RBFOX1: variants seen among roughly 807,000 people sequenced by gnomAD.
RBFOX1 encodes the protein RNA binding fox-1 homolog 1.
In RBFOX1, 8 loss-of-function variants were observed where a neutral mutation model predicts 57.7. The ratio of observed to expected loss-of-function variants is 0.14; its 90% CI spans 0.08 to 0.25. The LOEUF (loss-of-function observed/expected upper bound fraction) is 0.25. Among genes scored for constraint, RBFOX1 ranks in the 10% least tolerant of loss-of-function variants. The pLI, the probability that RBFOX1 is intolerant of heterozygous loss-of-function variation, is 1.00. For missense variants in RBFOX1, 611 were observed against 548.5 expected (o/e 1.11, Z -1.14); for synonymous variants, 326 against 222.4 (o/e 1.47, Z -4.15).
chr16:5,608,355 T>C (rs55971933), intron 3 of RBFOX1, among the ~76,000 whole-genome samples: 4,066 of 152,266 alleles, frequency 0.027, 164 homozygotes, highest in African/African-American at 0.09. Flanking sequence ...ACCATGATTC[T>C]GGGAAGCTCT....
At chr16:5,683,811 C>T (rs2041249) in intron 3 of RBFOX1, among the ~76,000 whole-genome samples, 140,331 of 148,224 alleles carry the variant, frequency 0.95, 66,505 homozygotes, top group Non-Finnish European at 0.96. Flanking sequence ...ATATTATATA[C>T]AACATATAAT....
chr16:6,452,323 G>T (rs2094649540), intron 2 of RBFOX1, among the ~76,000 whole-genome samples: 1 of 149,024 alleles, frequency 6.7e-6, no homozygotes, highest in Non-Finnish European at 1.5e-5. Flanking sequence ...TCTATCCATG[G>T]TCCCTTCCTT....
At chr16:6,576,765 A>G (rs2097444503) in intron 2 of RBFOX1, 1 of 152,228 alleles carries the variant, frequency 6.6e-6, no homozygotes, top group Non-Finnish European at 1.5e-5. Flanking sequence ...ATGCTAGATA[A>G]AAGGAAGTTC....
chr16:7,162,586 AC>A lies in RBFOX1; in HGVS notation c.27+110489del, dbSNP rs200719523. ...CTCTACTAAAAAAAAAAAAAAAAAA[AC>A]ATTGCCAGGTACGCGCCTGTAATCC... On this transcript the variant is annotated intron_variant, in intron 4 of 15. Transcript: ENST00000550418. Among the ~76,000 whole-genome samples, 322 of 150,556 alleles carry A rather than the reference AC, an allele frequency of 2.1e-3. 5 individuals are homozygous for A. The highest frequency in any genetic ancestry group is 7.2e-3 in the African/African-American group (296 of 41,018).
chr16:6,945,616 C>G (rs1031903332), intron 3 of RBFOX1, among the ~76,000 whole-genome samples: 3 of 152,060 alleles, frequency 2.0e-5, no homozygotes, highest in African/African-American at 7.2e-5. Context: ...GCTGGCTAGG[C>G]TCGGTGGCTC....
intron 2 of RBFOX1, among the ~76,000 whole-genome samples, chr16:6,610,434 C>A (rs2098028549): frequency 6.6e-6 from 1 of 151,950 alleles, no homozygotes. Flanking sequence ...CTCAAGTGAT[C>A]CTCCCACTTC....
At chr16:5,748,545 A>G (rs756164293) in intron 3 of RBFOX1, among the ~76,000 whole-genome samples, 7 of 152,102 alleles carry the variant, frequency 4.6e-5, no homozygotes, top group Non-Finnish European at 2.9e-5. Context: ...TTTCTTTATG[A>G]ATGTGGGTGC....
intron 4 of RBFOX1, among the ~76,000 whole-genome samples, chr16:7,510,828 C>T (rs113141892): frequency 6.6e-6 from 1 of 152,172 alleles, no homozygotes; most frequent in Non-Finnish European, 1.5e-5. Context: ...GGGGGTCCCA[C>T]TGCAGGAGCC....
At chr16:6,859,119 A>ATATATATATATGTATGTATATATATG (rs2058442693) in intron 3 of RBFOX1, among the ~76,000 whole-genome samples, 1 of 82,212 alleles carries the variant, frequency 1.2e-5, no homozygotes, top group Non-Finnish European at 2.0e-5. Context: ...GTGTATATAT[A>ATATATATATATGTATGTATATATATG]TATATATATA....
intron 2 of RBFOX1, among the ~76,000 whole-genome samples, chr16:5,548,067 A>G (rs1381785469): frequency 6.6e-6 from 1 of 151,096 alleles, no homozygotes; most frequent in Non-Finnish European, 1.5e-5. Context: ...AAGCTGAGAC[A>G]GGAGAATCCC....
intron 3 of RBFOX1, among the ~76,000 whole-genome samples, chr16:7,021,045 T>A (rs992630617): frequency 6.6e-6 from 1 of 152,116 alleles, no homozygotes; most frequent in African/African-American, 2.4e-5. Context: ...GGAGAATCGG[T>A]TGAACCTGGG....
intron 1 of RBFOX1, among the ~76,000 whole-genome samples, chr16:6,101,928 C>T (rs1369795756): frequency 1.3e-5 from 2 of 152,056 alleles, no homozygotes; most frequent in Non-Finnish European, 1.5e-5. Flanking sequence ...ACGAATAGTG[C>T]ACTGCAGTAG....
chr16:6,119,445 G>C lies in RBFOX1; in HGVS notation c.-127+99453G>C, dbSNP rs192499558. On this transcript the variant is annotated intron_variant, in intron 1 of 15. Coordinates refer to ENST00000550418, the MANE Select transcript of RBFOX1 (RefSeq NM_018723.4). ...ACTTAGTTGAGAAGGCATTTGCCAA[G>C]TTTCTTCATGGTAAGATTGTTTTTA... 4.8e-3 allele frequency among the ~76,000 whole-genome samples: 733 copies of C among 152,244 alleles called. 5 individuals carry two copies. The highest frequency in any genetic ancestry group is 5.1e-3 in the Non-Finnish European group (348 of 68,012).
chr16:5,835,143 G>C (rs951311779), intron 3 of RBFOX1, among the ~76,000 whole-genome samples: 1 of 152,158 alleles, frequency 6.6e-6, no homozygotes, highest in African/African-American at 2.4e-5. Flanking sequence ...AGTATAATGG[G>C]GCTGTAGAAT....
intron 4 of RBFOX1, among the ~76,000 whole-genome samples, chr16:7,217,012 C>T (rs2092172428): frequency 2.7e-5 from 1 of 37,064 alleles, no homozygotes; most frequent in Non-Finnish European, 5.1e-5. Context: ...CCCTCCCTTC[C>T]CTCCCTCCCT....
intron 3 of RBFOX1, among the ~76,000 whole-genome samples, chr16:7,029,159 T>TAC (rs1240388410): frequency 1.2e-5 from 1 of 82,580 alleles, no homozygotes; most frequent in Non-Finnish European, 2.7e-5. Flanking sequence ...TGTATATATA[T>TAC]ACACATATAT....
At chr16:7,388,844 G>C (rs1207748804) in intron 4 of RBFOX1, among the ~76,000 whole-genome samples, 1 of 152,022 alleles carries the variant, frequency 6.6e-6, no homozygotes, top group Non-Finnish European at 1.5e-5. Context: ...ACAAAGCTAT[G>C]ATGTTCAGTA....
At chr16:5,935,239 G>T (rs2059144283) in intron 4 of RBFOX1, among the ~76,000 whole-genome samples, 1 of 152,188 alleles carries the variant, frequency 6.6e-6, no homozygotes, top group South Asian at 2.1e-4. Context: ...GAGGTTAACA[G>T]ATCAGGAAGT....
intron 2 of RBFOX1, among the ~76,000 whole-genome samples, chr16:6,346,265 G>T (rs539802614): frequency 6.6e-6 from 1 of 152,176 alleles, no homozygotes; most frequent in African/African-American, 2.4e-5. Context: ...GAATAGAAGC[G>T]GCCAGAAGGT....
Sources: allele counts gnomAD v4.1 joint callset (sites outside exome capture counted in the v4.1 genomes callset), GRCh38; gene constraint gnomAD v4.1.1; transcripts MANE v1.5; gene names NCBI Gene and HGNC (gene_info 2026-07-23, HGNC 2026-07-21).